The following SNX9 variants were observed in gnomAD, a reference collection of about 807,000 sequenced individuals.
SNX9 encodes sorting nexin 9.
Under a neutral mutation model 89.4 loss-of-function variants are expected in SNX9, and 44 were observed. The ratio of observed to expected loss-of-function variants is 0.49; its 90% CI spans 0.39 to 0.63. The LOEUF is 0.63. Among genes scored for constraint, SNX9 ranks in the 30% least tolerant of loss-of-function variants. The pLI is 0.00. For synonymous variants in SNX9, 236 were observed against 247.8 expected, an observed-to-expected ratio of 0.95 and a Z score of 0.45; for missense variants, 578 against 736.1, an observed-to-expected ratio of 0.79 and a Z score of 2.49.
At chr6:157,834,150 G>GTTTTTTTTTTTTTTTTT (rs561509955) in intron 1 of SNX9, among the ~76,000 whole-genome samples, 2 of 35,620 alleles carry the variant, frequency 5.6e-5, no homozygotes, top group Non-Finnish European at 9.5e-5. Context: ...GTCCACTGTG[G>GTTTTTTTTTTTTTTTTT]TTTTTTTTTT....
At chr6:157,827,241 T>C (rs10455915) in intron 1 of SNX9, among the ~76,000 whole-genome samples, 27 of 18,202 alleles carry the variant, frequency 1.5e-3, no homozygotes, top group South Asian at 4.0e-3. Flanking sequence ...AAACATATAT[T>C]ATAGTTTATA....
intron 1 of SNX9, among the ~76,000 whole-genome samples, chr6:157,860,813 T>C (rs1051675594): frequency 1.3e-5 from 2 of 152,216 alleles, no homozygotes; most frequent in Non-Finnish European, 2.9e-5. Flanking sequence ...GATTTATGTA[T>C]TTTAAGTACT....
At chr6:157,904,659 G>C (rs1027316279) in intron 6 of SNX9, among the ~76,000 whole-genome samples, 14 of 152,054 alleles carry the variant, frequency 9.2e-5, no homozygotes, top group Non-Finnish European at 1.6e-4. Context: ...ACAGTGAGCC[G>C]AGATCGCGCC....
intron 1 of SNX9, among the ~76,000 whole-genome samples, chr6:157,865,830 C>G (rs1197078519): frequency 2.0e-5 from 3 of 152,154 alleles, no homozygotes; most frequent in African/African-American, 7.2e-5. Context: ...CAATGGCCAA[C>G]AAAAGGGCCT....
chr6:157,887,739 C>T (rs969107959), intron 4 of SNX9, among the ~76,000 whole-genome samples: 2 of 152,128 alleles, frequency 1.3e-5, no homozygotes, highest in East Asian at 1.9e-4. Context: ...GTCTGCTTTG[C>T]GTATTAACTG....
At chr6:157,941,118 T>A in intron 17 of SNX9, 144 bp downstream of exon 17, 1 of 683,290 alleles carries the variant, frequency 1.5e-6, no homozygotes, top group African/African-American at 1.8e-5. Flanking sequence ...CAGGATTTTT[T>A]TAATCTCCTA....
intron 4 of SNX9, among the ~76,000 whole-genome samples, chr6:157,884,595 C>G (rs1179867928): frequency 6.6e-6 from 1 of 151,998 alleles, no homozygotes; most frequent in Non-Finnish European, 1.5e-5. Flanking sequence ...ACTCTCACTC[C>G]CACCCCCCCG....
chr6:157,923,590 C>T (rs1400471550), intron 10 of SNX9, among the ~76,000 whole-genome samples: 1 of 152,092 alleles, frequency 6.6e-6, no homozygotes, highest in East Asian at 1.9e-4. Context: ...GTCTCATGGA[C>T]TGGAAACAAT....
intron 1 of SNX9, among the ~76,000 whole-genome samples, chr6:157,826,942 A>G (rs1781371016): frequency 1.2e-5 from 1 of 85,056 alleles, no homozygotes; most frequent in East Asian, 2.7e-4. Flanking sequence ...TATAATATAT[A>G]AAATATATTA....
At chr6:157,936,820 A>G (rs1181151532) in intron 14 of SNX9, among the ~76,000 whole-genome samples, 1 of 152,194 alleles carries the variant, frequency 6.6e-6, no homozygotes, top group Non-Finnish European at 1.5e-5. Context: ...GGGGCTTTTT[A>G]GATAACAGAT....
Position 157,921,534 on chromosome 6 carries a change from G to A in SNX9, c.953G>A (p.Arg318His), listed in dbSNP as rs747102123. ...ATTCTTGGTGTGTCGCTTGCAGGCC[G>A]CTTTGAAGAGGAATTTATCAAAATG... ...PSLPDKQVTGRFEEEFIKMRM... is the reference protein window; with the variant it reads ...PSLPDKQVTGHFEEEFIKMRM... Residue 318 changes from arginine to histidine, a missense_variant, in exon 10 of 18, where the codon CGC (arginine) becomes CAC (histidine). Physicochemically the swap from Arg to His is conservative, Grantham distance 29. Transcript: ENST00000392185. 1.2e-6 allele frequency: 2 copies of A among 1,612,454 alleles called. No individual in the cohort carries two copies. Among genetic ancestry groups the A allele is most frequent in the Non-Finnish European group, 8.5e-7 (1 of 1,178,956 alleles).
chr6:157,873,108 G>A lies in SNX9; in HGVS notation c.106G>A (p.Gly36Ser), dbSNP rs750874108. 6.3e-7 allele frequency: 1 copy of A among 1,592,246 alleles called. No individual in the cohort carries two copies. Among genetic ancestry groups the A allele is most frequent in the South Asian group, 1.1e-5 (1 of 87,572 alleles). The change falls in exon 3 of 18, where the codon GGT (glycine) becomes AGT (serine). Residue 36 changes from glycine to serine, a missense_variant. Physicochemically the swap from Gly to Ser is moderately conservative, Grantham distance 56. Coordinates refer to ENST00000392185, the MANE Select transcript of SNX9 (RefSeq NM_016224.5). ...EIITITNPDV[G>S]GGWLEGRNIK... ...TTTTTTGGTGACTTATTAGGATGTA[G>A]GTGGAGGATGGCTGGAAGGAAGAAA...
At chr6:157,825,534 T>C (rs2115099612) in intron 1 of SNX9, among the ~76,000 whole-genome samples, 1 of 152,330 alleles carries the variant, frequency 6.6e-6, no homozygotes, top group East Asian at 1.9e-4. Context: ...CCTTAAAGCA[T>C]GCGTAAGGAC....
intron 1 of SNX9, among the ~76,000 whole-genome samples, chr6:157,862,461 A>C (rs918550083): frequency 6.6e-6 from 1 of 152,246 alleles, no homozygotes; most frequent in Non-Finnish European, 1.5e-5. Flanking sequence ...CGAGGGTGTC[A>C]AATCATTCTT....
intron 1 of SNX9, among the ~76,000 whole-genome samples, chr6:157,863,371 A>G (rs936875759): frequency 2.0e-5 from 3 of 152,172 alleles, no homozygotes; most frequent in African/African-American, 7.2e-5. Flanking sequence ...TGAATCCACT[A>G]ATGTTTATTT....
At chr6:157,925,614 T>C (rs1218987753) in intron 10 of SNX9, among the ~76,000 whole-genome samples, 1 of 152,014 alleles carries the variant, frequency 6.6e-6, no homozygotes, top group African/African-American at 2.4e-5. Context: ...AGTAGAATAT[T>C]ATACAGCAAT....
intron 4 of SNX9, among the ~76,000 whole-genome samples, chr6:157,880,159 A>G (rs1583214219): frequency 6.6e-6 from 1 of 152,320 alleles, no homozygotes; most frequent in African/African-American, 2.4e-5. Flanking sequence ...TGTTAGATCC[A>G]GGCTTGCCAG....
chr6:157,894,165 A>G (rs545957573), intron 4 of SNX9, among the ~76,000 whole-genome samples: 184 of 127,918 alleles, frequency 1.4e-3, no homozygotes, highest in African/African-American at 5.4e-3. Flanking sequence ...TCTGGAGTGC[A>G]GTGGCGTGAT....
intron 1 of SNX9, among the ~76,000 whole-genome samples, chr6:157,837,881 G>C (rs1781616500): frequency 6.6e-6 from 1 of 152,186 alleles, no homozygotes; most frequent in Non-Finnish European, 1.5e-5. Flanking sequence ...TGGGTTCCGT[G>C]AACAGCATAT....
Sources: gnomAD v4.1 joint callset for allele counts (sites outside exome capture counted in the v4.1 genomes callset) on GRCh38, gnomAD v4.1.1 for gene constraint, MANE v1.5 for transcripts, NCBI Gene and HGNC (gene_info 2026-07-23, HGNC 2026-07-21) for gene names.